Variants in CCDC82 observed in about 807,000 individuals in gnomAD.
CCDC82 encodes coiled-coil domain containing 82.
CCDC82 carries 47 observed loss-of-function variants against 60.6 expected under a neutral mutation model. The ratio of observed to expected loss-of-function variants is 0.77; its 90% CI spans 0.61 to 0.99. CCDC82 has a LOEUF of 0.99. Ranked by LOEUF, CCDC82 falls within the 50% of genes least tolerant of loss-of-function variation. The pLI, the probability that CCDC82 is intolerant of heterozygous loss-of-function variation, is 0.00. For synonymous variants in CCDC82, 212 were observed against 207.4 expected, an observed-to-expected ratio of 1.02 and a Z score of -0.19; for missense variants, 588 against 633.0, an observed-to-expected ratio of 0.93 and a Z score of 0.76.
intron 2 of CCDC82, chr11:96,387,149 T>G (rs919859178): frequency 3.3e-5 from 5 of 152,214 alleles, no homozygotes; most frequent in African/African-American, 1.2e-4. Flanking sequence ...TGAAAAAACA[T>G]TTATGAAAAC....
At chr11:96,386,955 T>G (rs1866228242) in intron 2 of CCDC82, 1 of 152,264 alleles carries the variant, frequency 6.6e-6, no homozygotes, top group African/African-American at 2.4e-5. Flanking sequence ...AGCAGCTTAC[T>G]GTTTCTTTGG....
At chr11:96,359,642 T>TAAAAAAAAAAAAA (rs139619843) in intron 8 of CCDC82, among the ~76,000 whole-genome samples, 2 of 81,390 alleles carry the variant, frequency 2.5e-5, no homozygotes, top group Non-Finnish European at 2.3e-5. Flanking sequence ...ATGGGCAAAG[T>TAAAAAAAAAAAAA]AAAAAAAAAA....
intron 9 of CCDC82, chr11:96,358,122 T>C: frequency 1.0e-6 from 1 of 985,854 alleles, no homozygotes; most frequent in Non-Finnish European, 1.2e-6. Context: ...TATATTCCTC[T>C]TTTACAAATT....
At chr11:96,364,816 A>G in intron 8 of CCDC82, 164 bp downstream of exon 8, 1 of 563,980 alleles carries the variant, frequency 1.8e-6, no homozygotes, top group Non-Finnish European at 3.1e-6. Context: ...CTCTCCTATT[A>G]GATGAACAGC....
At chr11:96,354,970 T>G (rs1013436542) in intron 9 of CCDC82, 1 of 152,182 alleles carries the variant, frequency 6.6e-6, no homozygotes, top group Admixed American at 6.5e-5. Context: ...GCCATGAAAC[T>G]CTTTTTTATA....
chr11:96,360,577 A>C (rs1031443437), intron 8 of CCDC82, among the ~76,000 whole-genome samples: 2 of 152,036 alleles, frequency 1.3e-5, no homozygotes, highest in Non-Finnish European at 2.9e-5. Flanking sequence ...GGTCAATCTT[A>C]CTCTCATGGA....
At chr11:96,360,196 A>T (rs897979041) in intron 8 of CCDC82, among the ~76,000 whole-genome samples, 8 of 131,516 alleles carry the variant, frequency 6.1e-5, no homozygotes, top group African/African-American at 1.4e-4. Flanking sequence ...ATATATATAT[A>T]TATTTTTTTT....
rs1430158819 is a variant in CCDC82 at position 96,373,464 on chromosome 11, G to C, written c.995C>G (p.Ser332Cys). Residue 332 changes from serine (S) to cysteine (C), a missense_variant, in exon 6 of 10, where the codon TCT becomes TGT. Ser to Cys is a moderately radical substitution (Grantham distance 112). Coordinates refer to ENST00000646818, the MANE Select transcript of CCDC82 (RefSeq NM_024725.4). ...AAAATGAGTATAGTGGTCACTAAAA[G>C]AATCTGAAATTAATTTCAAATAAAT... ...LKLVKQNSLYSFSDHYTHFER... is the reference protein window; with the variant it reads ...LKLVKQNSLYCFSDHYTHFER... 1 of 1,575,954 alleles carries C rather than the reference G, an allele frequency of 6.3e-7. No individual in the cohort carries two copies. Among genetic ancestry groups the C allele is most frequent in the African/African-American group, 1.4e-5 (1 of 73,548 alleles).
chr11:96,368,207 A>G (rs1865053057), intron 7 of CCDC82, among the ~76,000 whole-genome samples: 1 of 152,214 alleles, frequency 6.6e-6, no homozygotes, highest in African/African-American at 2.4e-5. Context: ...GGGAGGTATT[A>G]AAATGATATT....
rs768351514 is a variant in CCDC82 at position 96,371,150 on chromosome 11, T to C, written c.1085-13A>G. 1 of 1,503,494 alleles carries C rather than the reference T, an allele frequency of 6.7e-7. No individual in the cohort carries two copies. Among genetic ancestry groups the C allele is most frequent in the Non-Finnish European group, 8.9e-7 (1 of 1,126,164 alleles). 93.1% of individuals were successfully genotyped at this position (1,503,494 alleles called of 1,614,324 possible). ...TGCCTTGTGCCATCTGTTCAGGGGA[T>C]AAACAACAAAAAAAATCATTTTGTT... On this transcript the variant is annotated splice_polypyrimidine_tract_variant and intron_variant, in intron 6 of 9. Transcript: ENST00000646818.
rs180902184 is a variant in CCDC82, at chr11:96,357,228, C to T, written c.1566+1765G>A. 6 of 985,222 alleles carry T rather than the reference C, an allele frequency of 6.1e-6. No individual in the cohort carries two copies. In the South Asian group the frequency reaches 2.8e-4, roughly 46 times the overall value. 61.0% of individuals were successfully genotyped at this position (985,222 alleles called of 1,614,324 possible). Reference sequence around the variant, plus strand: ...CAAATGGGTTTATATTGGCTATAAACCTCTGTGGTTTCTAGGAAATCTTTT... The same window carrying T: ...CAAATGGGTTTATATTGGCTATAAATCTCTGTGGTTTCTAGGAAATCTTTT... On this transcript the variant is annotated intron_variant, in intron 9 of 9. Coordinates refer to ENST00000646818, the MANE Select transcript of CCDC82 (RefSeq NM_024725.4).
chr11:96,373,337 A>T, intron 6 of CCDC82, 38 bp downstream of exon 6: 1 of 1,310,694 alleles, frequency 7.6e-7, no homozygotes, highest in South Asian at 1.3e-5. Context: ...TGGAAAAAGA[A>T]ATAAAAACCA....
At chr11:96,383,530 GAT>G (rs1196908220) in intron 4 of CCDC82, 57 bp from the exon 5 acceptor site, 6 of 1,093,898 alleles carry the variant, frequency 5.5e-6, no homozygotes, top group Non-Finnish European at 7.8e-6. Flanking sequence ...GGTAAGCATC[GAT>G]ATAAAATTAA....
chr11:96,370,257 CTTT>C (rs1865190201), intron 7 of CCDC82, among the ~76,000 whole-genome samples: 1 of 152,038 alleles, frequency 6.6e-6, no homozygotes, highest in Non-Finnish European at 1.5e-5. Flanking sequence ...CTTCAATTAT[CTTT>C]TTATTTTTCC....
At chr11:96,381,485 A>C (rs1232437892) in intron 5 of CCDC82, 1 of 151,754 alleles carries the variant, frequency 6.6e-6, no homozygotes, top group East Asian at 1.9e-4. Flanking sequence ...CCTTTTCTGA[A>C]ATATTTGGAA....
rs201279100 is a variant in CCDC82 at position 96,359,220 on chromosome 11, T to C, written c.1381-42A>G. ...AGATTGTTATCTGACAACGAATATATATCCTTTCTGGTTTTTGGATTTTCT... is the reference window on the plus strand; with the variant it reads ...AGATTGTTATCTGACAACGAATATACATCCTTTCTGGTTTTTGGATTTTCT... On this transcript the variant is annotated intron_variant, in intron 8 of 9. Transcript: ENST00000646818. The C allele has an allele frequency of 5.0e-4, 730 of 1,467,258 alleles. 1 individual carries two copies. Among genetic ancestry groups the C allele is most frequent in the Non-Finnish European group, 6.2e-4 (680 of 1,105,594 alleles). 90.9% of individuals were successfully genotyped at this position (1,467,258 alleles called of 1,614,324 possible).
intron 7 of CCDC82, among the ~76,000 whole-genome samples, chr11:96,369,733 A>C (rs1000579293): frequency 3.3e-5 from 5 of 152,256 alleles, no homozygotes; most frequent in African/African-American, 1.2e-4. Context: ...GAGATGAATA[A>C]GCATATGGTG....
In CCDC82 at chr11:96,384,758, G is replaced by A; in HGVS notation, c.-11C>T. ...TCTAACATGTATCATTTTCACTTAA[G>A]CTTCTATAAAATAAAGTTGTTAGGA... On this transcript the variant is annotated 5_prime_UTR_variant, in exon 4 of 10. Coordinates refer to ENST00000646818, the MANE Select transcript of CCDC82 (RefSeq NM_024725.4). The A allele has an allele frequency of 6.4e-7, 1 of 1,561,826 alleles. No homozygotes were observed. The highest frequency in any genetic ancestry group is 8.6e-7 in the Non-Finnish European group (1 of 1,157,790).
chr11:96,358,000 C>G, intron 9 of CCDC82: 1 of 985,298 alleles, frequency 1.0e-6, no homozygotes, highest in Non-Finnish European at 1.2e-6. Flanking sequence ...AAAGGGAAAC[C>G]AGTGATGATG....
Sources: gnomAD v4.1 joint callset for allele counts (sites outside exome capture counted in the v4.1 genomes callset) on GRCh38, gnomAD v4.1.1 for gene constraint, MANE v1.5 for transcripts, NCBI Gene and HGNC (gene_info 2026-07-23, HGNC 2026-07-21) for gene names.